The following ZNF414 variants were observed in gnomAD, a reference collection of about 807,000 sequenced individuals.
The protein encoded by ZNF414 is zinc finger protein 414.
In ZNF414, 32 loss-of-function variants were observed where a neutral mutation model predicts 38.3. The ratio of observed to expected loss-of-function variants is 0.83; its 90% CI spans 0.63 to 1.12. ZNF414 has a LOEUF of 1.12. Among genes scored for constraint, ZNF414 ranks in the 50% most tolerant of loss-of-function variants. ZNF414 has a pLI of 0.00. For missense variants in ZNF414, 589 were observed against 557.4 expected (o/e 1.06, Z -0.57); for synonymous variants, 256 against 248.0 (o/e 1.03, Z -0.30).
rs753457905 is a variant in ZNF414, at chr19:8,511,444, A to G, written c.925+42T>C. ...CACCAGACCCCGCAGGGCGCAGGAA[A>G]GAAAGCCCCTCCACCCCTCCCTGGT... On this transcript the variant is annotated intron_variant, in intron 6 of 7. Transcript: ENST00000393927. 5 of 1,603,716 alleles carry G rather than the reference A, an allele frequency of 3.1e-6. No individual in the cohort carries two copies. In the Admixed American group the frequency reaches 5.1e-5, roughly 16 times the overall value.
In ZNF414 at chr19:8,512,361, C is replaced by T. The variant is rs941482085; in HGVS notation, c.530+26G>A. ...CACATAGGGTGAGGCTAGGGCAGGG[C>T]GGAGCTCAAGAGGTCAGGGTCTCAC... On this transcript the variant is annotated intron_variant, in intron 4 of 7. Transcript: ENST00000393927. 6.2e-6 allele frequency: 10 copies of T among 1,611,518 alleles called. No individual in the cohort carries two copies. In the East Asian group the frequency reaches 2.0e-4, roughly 32 times the overall value.
At chr19:8,512,985 G>A in intron 2 of ZNF414, 44 bp downstream of exon 2, 1 of 1,432,818 alleles carries the variant, frequency 7.0e-7, no homozygotes, top group Non-Finnish European at 9.1e-7. Context: ...CGCTTCTATT[G>A]TTTCAGGGAC....
Position 8,510,388 on chromosome 19 carries a change from C to CTGGGGACCTCAACCACAGCTGGAGG in ZNF414, c.*278_*302dup. 3.6e-6 allele frequency: 1 copy of CTGGGGACCTCAACCACAGCTGGAGG among 278,286 alleles called. No individual in the cohort carries two copies. Among genetic ancestry groups the CTGGGGACCTCAACCACAGCTGGAGG allele is most frequent in the Non-Finnish European group, 6.7e-6 (1 of 149,000 alleles). 17.2% of individuals were successfully genotyped at this position (278,286 alleles called of 1,614,324 possible). On this transcript the variant is annotated 3_prime_UTR_variant, in exon 8 of 8. Transcript: ENST00000393927. ...AGGGAGAACGCTGCCACAGTGGGTA[C>CTGGGGACCTCAACCACAGCTGGAGG]TGGGGACCTCAACCACAGCTGGAGG...
rs551118398 is a variant in ZNF414, at chr19:8,511,380, C to T, written c.925+106G>A. On this transcript the variant is annotated intron_variant, in intron 6 of 7. Coordinates refer to ENST00000393927, the MANE Select transcript of ZNF414 (RefSeq NM_001146175.2). Reference sequence around the variant, plus strand: ...TATTTCGGGACGGTGGCATTTGTGCCCCCTGGGAAGGGGATGAGCACTGCT... The same window carrying T: ...TATTTCGGGACGGTGGCATTTGTGCTCCCTGGGAAGGGGATGAGCACTGCT... 104 of 1,502,692 alleles carry T rather than the reference C, an allele frequency of 6.9e-5. 1 individual carries two copies. The African/African-American group carries it at 1.3e-3, about 19-fold the overall frequency. 93.1% of individuals were successfully genotyped at this position (1,502,692 alleles called of 1,614,324 possible).
chr19:8,511,036 C>T lies in ZNF414; in HGVS notation c.926-12G>A. ...CGGGGCCGCGTGCCCTGCGGGCAGG[C>T]GGGACCCCGTCAGTCCCGGGCTCCC... On this transcript the variant is annotated splice_polypyrimidine_tract_variant and intron_variant, in intron 6 of 7. Transcript: ENST00000393927. The T allele has an allele frequency of 7.8e-6, 10 of 1,280,376 alleles. No individual in the cohort carries two copies. Among genetic ancestry groups the T allele is most frequent in the South Asian group, 2.6e-5 (1 of 38,430 alleles). The allele number at this position is 1,280,376 out of a possible 1,614,324, so 79.3% of individuals were successfully genotyped here. A position where few individuals can be genotyped will look rare whatever the true frequency, so the allele number is the denominator to read the frequency against.
chr19:8,510,628 T>G lies in ZNF414; in HGVS notation c.*63A>C. 5.3e-6 allele frequency: 7 copies of G among 1,315,070 alleles called. No individual in the cohort carries two copies. Among genetic ancestry groups the G allele is most frequent in the Non-Finnish European group, 7.3e-6 (7 of 964,794 alleles). 81.5% of individuals were successfully genotyped at this position (1,315,070 alleles called of 1,614,324 possible). Reference sequence around the variant, plus strand: ...ATTGTCCACCCCAGCCCCCCTTCCCTGCAGCCCCCTCCAAATGACAAAACT... The same window carrying G: ...ATTGTCCACCCCAGCCCCCCTTCCCGGCAGCCCCCTCCAAATGACAAAACT... On this transcript the variant is annotated 3_prime_UTR_variant, in exon 8 of 8. Transcript: ENST00000393927.
intron 6 of ZNF414, 41 bp from the exon 7 acceptor site, chr19:8,511,065 GC>G: frequency 7.8e-7 from 1 of 1,286,246 alleles, no homozygotes; most frequent in Non-Finnish European, 9.8e-7. Context: ...GGCTCCCCCA[GC>G]CCAGAAGACC....
At chr19:8,510,787 G>T (rs1424945176) in intron 7 of ZNF414, 23 bp from the exon 8 acceptor site, 3 of 1,534,604 alleles carry the variant, frequency 2.0e-6, no homozygotes, top group Admixed American at 4.0e-5. Flanking sequence ...GAGGAGGGGG[G>T]CGCCTGAGCC....
At chr19:8,510,812 C>A in intron 7 of ZNF414, 39 bp downstream of exon 7, 1 of 1,487,398 alleles carries the variant, frequency 6.7e-7, no homozygotes, top group Non-Finnish European at 9.0e-7. Flanking sequence ...CGCCTTGGGC[C>A]CCCGCCCCCC....
At position 8,514,153 on chromosome 19, in the gene ZNF414, C is replaced by A; in HGVS notation, c.-107G>T. Reference sequence around the variant, plus strand: ...TCGCGCTCACGTCAGCGCCATTTTCCACCTCTCAGCTCTCGCGAGACTGGG... The same window carrying A: ...TCGCGCTCACGTCAGCGCCATTTTCAACCTCTCAGCTCTCGCGAGACTGGG... On this transcript the variant is annotated 5_prime_UTR_variant, in exon 1 of 8. Coordinates refer to ENST00000393927, the MANE Select transcript of ZNF414 (RefSeq NM_001146175.2). The A allele has an allele frequency of 3.0e-6, 4 of 1,323,420 alleles. No individual in the cohort carries two copies. Among genetic ancestry groups the A allele is most frequent in the South Asian group, 3.6e-5 (2 of 55,986 alleles). The allele number at this position is 1,323,420 out of a possible 1,614,324, so 82.0% of individuals were successfully genotyped here. A position where few individuals can be genotyped will look rare whatever the true frequency, so the allele number is the denominator to read the frequency against.
intron 4 of ZNF414, 198 bp downstream of exon 4, chr19:8,512,189 G>C: frequency 2.1e-6 from 3 of 1,429,766 alleles, no homozygotes; most frequent in Non-Finnish European, 2.7e-6. Flanking sequence ...TTTCCACTTG[G>C]GAGGTAAAGC....
At chr19:8,513,376 G>C in intron 1 of ZNF414, 35 bp from the exon 2 acceptor site, 1 of 1,528,144 alleles carries the variant, frequency 6.5e-7, no homozygotes, top group Non-Finnish European at 8.7e-7. Context: ...AACCCTTCTG[G>C]GCTCTGGGTC....
Position 8,512,102 on chromosome 19 carries a change from C to A in ZNF414, c.531-142G>T, listed in dbSNP as rs953004640. ...CCCCGCTCCTGTACAACTGTGGCAG[C>A]GACCCTTCCTGACCACTTCGGGTGG... On this transcript the variant is annotated intron_variant, in intron 4 of 7. Transcript: ENST00000393927. The A allele has an allele frequency of 3.5e-6, 5 of 1,416,266 alleles. No individual in the cohort carries two copies. The African/African-American group carries it at 7.2e-5, about 20-fold the overall frequency. 87.7% of individuals were successfully genotyped at this position (1,416,266 alleles called of 1,614,324 possible). A position where few individuals can be genotyped will look rare whatever the true frequency, so the allele number is the denominator to read the frequency against.
Position 8,510,430 on chromosome 19 carries a change from A to T in ZNF414, c.*261T>A. 3.0e-6 allele frequency: 1 copy of T among 337,082 alleles called. No homozygotes were observed. The highest frequency in any genetic ancestry group is 5.4e-6 in the Non-Finnish European group (1 of 185,754). The allele number at this position is 337,082 out of a possible 1,614,324, so 20.9% of individuals were successfully genotyped here. A position where few individuals can be genotyped will look rare whatever the true frequency, so the allele number is the denominator to read the frequency against. ...AGCTGGAGGTGGGGACCTGGGTCCC[A>T]GGATTGGGGTGATGGGAAGACAGGA... On this transcript the variant is annotated 3_prime_UTR_variant, in exon 8 of 8. Coordinates refer to ENST00000393927, the MANE Select transcript of ZNF414 (RefSeq NM_001146175.2).
rs761376066 is a variant in ZNF414, at chr19:8,513,121, C to G, written c.224G>C (p.Cys75Ser). The G allele has an allele frequency of 2.0e-6, 3 of 1,537,984 alleles. No individual in the cohort carries two copies. Among genetic ancestry groups the G allele is most frequent in the South Asian group, 2.4e-5 (2 of 83,668 alleles). The change falls in exon 2 of 8, where the codon TGC becomes TCC. Residue 75 changes from cysteine (C) to serine (S), a missense_variant. Transcript: ENST00000393927. ...QQGSSPAPDS[C>S]QPGPGPSPGL... ...AGGGCTGGGTCCGGGGCCAGGCTGG[C>G]AGCTGTCTGGGGCTGGGGAGGAGCC...
rs1183266778 is a variant in ZNF414, at chr19:8,510,382, TG to T, written c.*308del. 7.5e-6 allele frequency: 2 copies of T among 266,268 alleles called. No individual in the cohort carries two copies. The highest frequency in any genetic ancestry group is 6.3e-5 in the East Asian group (1 of 15,758). 16.5% of individuals were successfully genotyped at this position (266,268 alleles called of 1,614,324 possible). ...TGGACAAGGGAGAACGCTGCCACAG[TG>T]GGTACTGGGGACCTCAACCACAGCT... On this transcript the variant is annotated 3_prime_UTR_variant, in exon 8 of 8. Coordinates refer to ENST00000393927, the MANE Select transcript of ZNF414 (RefSeq NM_001146175.2).
chr19:8,512,359 G>T, intron 4 of ZNF414, 28 bp downstream of exon 4: 1 of 1,611,746 alleles, frequency 6.2e-7, no homozygotes, highest in Non-Finnish European at 8.5e-7. Flanking sequence ...GCTAGGGCAG[G>T]GCGGAGCTCA....
rs771554243 is a variant in ZNF414, at chr19:8,512,435, T to G, written c.482A>C (p.Glu161Ala). 3.1e-6 allele frequency: 5 copies of G among 1,613,950 alleles called. No homozygotes were observed. Among genetic ancestry groups the G allele is most frequent in the Non-Finnish European group, 4.2e-6 (5 of 1,179,984 alleles). The change falls in exon 4 of 8, where the codon GAG becomes GCG. Residue 161 changes from glutamate (E) to alanine (A), a missense_variant. Transcript: ENST00000393927. Reference protein sequence around the residue: ...SCTETFPSMQELVAHSKLHYK... With the variant: ...SCTETFPSMQALVAHSKLHYK... ...GTGCAGTTTGCTGTGAGCCACCAGCTCCTGCATGCTGGGGAAGGTCTCGGT... is the reference window on the plus strand; with the variant it reads ...GTGCAGTTTGCTGTGAGCCACCAGCGCCTGCATGCTGGGGAAGGTCTCGGT...
chr19:8,513,910 T>TC, intron 1 of ZNF414, 134 bp downstream of exon 1: 1 of 1,142,360 alleles, frequency 8.8e-7, no homozygotes, highest in Non-Finnish European at 1.1e-6. Context: ...TAGGGCGCTC[T>TC]CCGAGTGACA....
Sources: allele counts gnomAD v4.1 joint callset, GRCh38; gene constraint gnomAD v4.1.1; transcripts MANE v1.5; gene names NCBI Gene and HGNC (gene_info 2026-07-23, HGNC 2026-07-21).